The following KCNQ1 variants were observed in gnomAD, a reference collection of about 807,000 sequenced individuals.
The protein encoded by KCNQ1 is potassium voltage-gated channel subfamily KQT member 1.
KCNQ1 carries 49 observed loss-of-function variants against 72.4 expected under a neutral mutation model. That is an observed-to-expected ratio of 0.68 (90% CI 0.54 to 0.86). The LOEUF is 0.86. KCNQ1 is among the 40% of genes least tolerant of loss of function. The pLI is 0.00. For missense variants in KCNQ1, 790 were observed against 945.1 expected (o/e 0.84, Z 2.15); for synonymous variants, 450 against 412.6 (o/e 1.09, Z -1.10).
intron 10 of KCNQ1, chr11:2,635,989 G>T (rs1849458201): frequency 6.6e-6 from 1 of 152,142 alleles, no homozygotes; most frequent in African/African-American, 2.4e-5. Context: ...CTGTTTGTCT[G>T]TTATTGGTGT....
At chr11:2,445,538 G>A (rs1846025627) in intron 1 of KCNQ1, 54 bp downstream of exon 1, 1 of 1,563,132 alleles carries the variant, frequency 6.4e-7, no homozygotes, top group African/African-American at 1.3e-5. Context: ...GAGAGCTGGT[G>A]TGGGGGAGCT....
intron 10 of KCNQ1, chr11:2,632,438 C>T (rs545139761): frequency 5.0e-6 from 2 of 398,374 alleles, no homozygotes; most frequent in Admixed American, 4.4e-5. Context: ...TTGCTTTATT[C>T]CTGATCTTAG....
At chr11:2,744,578 C>A (rs1846108116) in intron 11 of KCNQ1, among the ~76,000 whole-genome samples, 1 of 152,166 alleles carries the variant, frequency 6.6e-6, no homozygotes, top group African/African-American at 2.4e-5. Context: ...CCATGCCATG[C>A]CAGGTACCTT....
intron 10 of KCNQ1, chr11:2,618,080 G>A (rs1162806748): frequency 2.5e-6 from 1 of 398,378 alleles, no homozygotes; most frequent in African/African-American, 2.1e-5. Context: ...AGCTTTTGGT[G>A]TGATCTCCAA....
In KCNQ1 at chr11:2,778,007, C is replaced by T. The variant is rs377206449; in HGVS notation, c.1764C>T (p.Ile588=). The stretch of plus-strand genomic sequence containing the variant: ...GCAAGGATCGCGGCAGCAACACGAT[C>T]GGCGCCCGCCTGAACCGAGTAGAAG... ...EKSKDRGSNT[I]GARLNRVEDK... Residue 588 remains isoleucine, a synonymous_variant, in exon 15 of 16, where the codon ATC becomes ATT. Transcript: ENST00000155840. 7.4e-6 allele frequency: 12 copies of T among 1,613,602 alleles called. No homozygotes were observed. The highest frequency in any genetic ancestry group is 1.7e-5 in the Admixed American group (1 of 60,008).
intron 15 of KCNQ1, among the ~76,000 whole-genome samples, chr11:2,831,252 A>G (rs1260951621): frequency 6.6e-6 from 1 of 152,198 alleles, no homozygotes; most frequent in Non-Finnish European, 1.5e-5. Context: ...GCACCTCAGC[A>G]GACGTGATGG....
Position 2,464,930 on chromosome 11 carries a change from C to T in KCNQ1, c.386+19446C>T, listed in dbSNP as rs1846330176. On this transcript the variant is annotated intron_variant, in intron 1 of 15. Coordinates refer to ENST00000155840, the MANE Select transcript of KCNQ1 (RefSeq NM_000218.3). The surrounding 1 kb of genome is among the most constrained non-coding windows in gnomAD (Gnocchi z 5.0). Reference sequence around the variant, plus strand: ...AAGTAAGACAGCAATCTCTGGGGTCCTGGGCACCAACTCTGGGCACTGATG... The same window carrying T: ...AAGTAAGACAGCAATCTCTGGGGTCTTGGGCACCAACTCTGGGCACTGATG... 6.6e-6 allele frequency among the ~76,000 whole-genome samples: 1 copy of T among 152,128 alleles called. No homozygotes were observed. Among genetic ancestry groups the T allele is most frequent in the Non-Finnish European group, 1.5e-5 (1 of 68,012 alleles).
chr11:2,739,285 T>C (rs1465473711), intron 11 of KCNQ1, among the ~76,000 whole-genome samples: 1 of 152,108 alleles, frequency 6.6e-6, no homozygotes, highest in Non-Finnish European at 1.5e-5. Context: ...TGAGAGCCCA[T>C]CACACAGATG....
At chr11:2,732,537 G>A (rs1261517476) in intron 11 of KCNQ1, among the ~76,000 whole-genome samples, 3 of 152,202 alleles carry the variant, frequency 2.0e-5, no homozygotes, top group Non-Finnish European at 4.4e-5. Context: ...GGATGCAGCC[G>A]GGCAGTGAGG....
chr11:2,794,202 C>T (rs1847086002), intron 15 of KCNQ1, among the ~76,000 whole-genome samples: 1 of 152,196 alleles, frequency 6.6e-6, no homozygotes, highest in Non-Finnish European at 1.5e-5. Flanking sequence ...AGCATCAGCA[C>T]TTTGGACTAG....
At position 2,617,263 on chromosome 11, in the gene KCNQ1, T is replaced by G. The variant is rs906117763; in HGVS notation, c.1393+28409T>G. On this transcript the variant is annotated intron_variant, in intron 10 of 15. Coordinates refer to ENST00000155840, the MANE Select transcript of KCNQ1 (RefSeq NM_000218.3). This position sits in a 1 kb window ranked among gnomAD's most constrained non-coding sequence, Gnocchi z 4.6. The stretch of plus-strand genomic sequence containing the variant: ...ACCTTGCCCATGGTAACCACTAGTT[T>G]ATTCTATCTCTGTATATTTGACTTT... The G allele has an allele frequency of 1.5e-5, 6 of 398,334 alleles. No individual in the cohort carries two copies. Among genetic ancestry groups the G allele is most frequent in the Non-Finnish European group, 2.2e-5 (5 of 225,944 alleles). The allele number at this position is 398,334 out of a possible 1,614,324, so 24.7% of individuals were successfully genotyped here.
rs63934 is a variant in KCNQ1, at chr11:2,767,832, A to G, written c.1515-1012A>G. Among the ~76,000 whole-genome samples the G allele has an allele frequency of 0.14, 21,358 of 152,246 alleles. 1,744 individuals are homozygous for G. The highest frequency in any genetic ancestry group is 0.19 in the South Asian group (909 of 4,818). On this transcript the variant is annotated intron_variant, in intron 11 of 15. Coordinates refer to ENST00000155840, the MANE Select transcript of KCNQ1 (RefSeq NM_000218.3). The surrounding 1 kb of genome is among the most constrained non-coding windows in gnomAD (Gnocchi z 4.6). ...GGCTTAGGAATTCACAAGTGTTTCC[A>G]GAGGAAGTTGTGTGAAAGGTGGCTA...
rs963053575 is a variant in KCNQ1, at chr11:2,651,477, G to A, written c.1394-10484G>A. 1 of 398,716 alleles carries A rather than the reference G, an allele frequency of 2.5e-6. No individual in the cohort carries two copies. The highest frequency in any genetic ancestry group is 4.4e-6 in the Non-Finnish European group (1 of 226,138). 24.7% of individuals were successfully genotyped at this position (398,716 alleles called of 1,614,324 possible). ...GGTAGTGCTTATGAAAGTATCTGGT[G>A]GGCTTGCATTAAGAAGCTGTCAGTG... is the stretch of plus-strand genomic sequence containing the variant. On this transcript the variant is annotated intron_variant, in intron 10 of 15. Transcript: ENST00000155840. This position sits in a 1 kb window ranked among gnomAD's most constrained non-coding sequence, Gnocchi z 6.1.
Position 2,653,816 on chromosome 11 carries a change from C to T in KCNQ1, c.1394-8145C>T, listed in dbSNP as rs1849794607. The T allele has an allele frequency of 2.5e-6, 1 of 398,528 alleles. No individual in the cohort carries two copies. The highest frequency in any genetic ancestry group is 1.3e-4 in the South Asian group (1 of 7,854). 24.7% of individuals were successfully genotyped at this position (398,528 alleles called of 1,614,324 possible). ...GTACCTCCGATGGCTGAGGCAAGGT[C>T]CACAGGGACCCCTTTGGGGATGGCC... is the stretch of plus-strand genomic sequence containing the variant. On this transcript the variant is annotated intron_variant, in intron 10 of 15. Coordinates refer to ENST00000155840, the MANE Select transcript of KCNQ1 (RefSeq NM_000218.3). This position sits in a 1 kb window ranked among gnomAD's most constrained non-coding sequence, Gnocchi z 5.3.
rs1590029661 is a variant in KCNQ1 at position 2,683,041 on chromosome 11, C to T, written c.1514+20960C>T. ...CCTCCTGAGAGAGGTGACCTTCTCC[C>T]ACTTCTTACAGGCAAGGCTCTTGCT... On this transcript the variant is annotated intron_variant, in intron 11 of 15. Transcript: ENST00000155840. This position sits in a 1 kb window ranked among gnomAD's most constrained non-coding sequence, Gnocchi z 4.7. 2.5e-6 allele frequency: 1 copy of T among 398,672 alleles called. No homozygotes were observed. The highest frequency in any genetic ancestry group is 4.4e-6 in the Non-Finnish European group (1 of 226,120). 24.7% of individuals were successfully genotyped at this position (398,672 alleles called of 1,614,324 possible). A position where few individuals can be genotyped will look rare whatever the true frequency, so the allele number is the denominator to read the frequency against.
At chr11:2,821,362 G>A (rs139167888) in intron 15 of KCNQ1, among the ~76,000 whole-genome samples, 2 of 152,366 alleles carry the variant, frequency 1.3e-5, no homozygotes, top group East Asian at 3.9e-4. Context: ...TGGTGCCCAT[G>A]GGGTCACGCC....
chr11:2,589,884 C>T (rs929994271), intron 10 of KCNQ1, among the ~76,000 whole-genome samples: 2 of 152,158 alleles, frequency 1.3e-5, no homozygotes, highest in African/African-American at 2.4e-5. Context: ...AGACAAACAT[C>T]CTATAGGGCA....
Position 2,768,985 on chromosome 11 carries a change from C to A in KCNQ1, c.1590+66C>A. On this transcript the variant is annotated intron_variant, in intron 12 of 15. Transcript: ENST00000155840. This position sits in a 1 kb window ranked among gnomAD's most constrained non-coding sequence, Gnocchi z 6.7. Reference sequence around the variant, plus strand: ...TCGCAGCCTGATGCAGCTGCCCACACCTCTCCTGGGTTCTCTCCTGCCCAT... The same window carrying A: ...TCGCAGCCTGATGCAGCTGCCCACAACTCTCCTGGGTTCTCTCCTGCCCAT... The A allele has an allele frequency of 7.6e-7, 1 of 1,320,052 alleles. No individual in the cohort carries two copies. Among genetic ancestry groups the A allele is most frequent in the Non-Finnish European group, 1.1e-6 (1 of 914,952 alleles). 81.8% of individuals were successfully genotyped at this position (1,320,052 alleles called of 1,614,324 possible).
At position 2,768,626 on chromosome 11, in the gene KCNQ1, A is replaced by G. The variant is rs163161; in HGVS notation, c.1515-218A>G. Reference sequence around the variant, plus strand: ...GTAAGGGTCCCCTTCCCACTCACAGATGAGGTGAAACATTTCACCTTGAAA... The same window carrying G: ...GTAAGGGTCCCCTTCCCACTCACAGGTGAGGTGAAACATTTCACCTTGAAA... On this transcript the variant is annotated intron_variant, in intron 11 of 15. Transcript: ENST00000155840. The surrounding 1 kb of genome is among the most constrained non-coding windows in gnomAD (Gnocchi z 6.7). Among the ~76,000 whole-genome samples, 151,425 of 152,272 alleles carry G rather than the reference A, an allele frequency of 0.99. 75,296 individuals are homozygous for G. Among genetic ancestry groups the G allele is most frequent in the Middle Eastern group, 1 (294 of 294 alleles).
Sources: allele counts gnomAD v4.1 joint callset (sites outside exome capture counted in the v4.1 genomes callset), GRCh38; gene constraint gnomAD v4.1.1; non-coding constraint Gnocchi (gnomAD v3.1); transcripts MANE v1.5; gene names NCBI Gene and HGNC (gene_info 2026-07-23, HGNC 2026-07-21).